The following ABCA9 variants were observed in gnomAD, a reference collection of about 807,000 sequenced individuals.
ABCA9 encodes the protein ATP binding cassette subfamily A member 9, also known as ATP-binding cassette sub-family A member 9.
In ABCA9, 183 loss-of-function variants were observed where a neutral mutation model predicts 205.3. That is an observed-to-expected ratio of 0.89 (90% CI 0.79 to 1.01). The LOEUF is 1.01. Ranked by LOEUF, ABCA9 falls within the 50% of genes least tolerant of loss-of-function variation. The probability of loss-of-function intolerance (pLI) is 0.00; values close to 1 mark genes in which losing one functional copy is unlikely to be tolerated. For synonymous variants in ABCA9, 651 were observed against 683.3 expected, an observed-to-expected ratio of 0.95 and a Z score of 0.74; for missense variants, 1,805 against 1,912.4, an observed-to-expected ratio of 0.94 and a Z score of 1.05.
chr17:69,006,383 C>G (rs1287197878), intron 25 of ABCA9, among the ~76,000 whole-genome samples: 1 of 152,140 alleles, frequency 6.6e-6, no homozygotes, highest in African/African-American at 2.4e-5. Flanking sequence ...AACAAGAAGC[C>G]ACTTGAATGT....
At chr17:68,995,508 C>T (rs2069588869) in intron 26 of ABCA9, among the ~76,000 whole-genome samples, 1 of 152,138 alleles carries the variant, frequency 6.6e-6, no homozygotes, top group Admixed American at 6.5e-5. Context: ...AGCTTTAACC[C>T]CCATCTCCAC....
At chr17:68,984,765 C>T (rs543749288) in intron 34 of ABCA9, 120 bp downstream of exon 34, 99 of 1,304,800 alleles carry the variant, frequency 7.6e-5, no homozygotes, top group Admixed American at 1.8e-4. Context: ...AATTTTTTTT[C>T]CTAAAATATT....
At chr17:69,058,780 A>C (rs2072145699) in intron 1 of ABCA9, among the ~76,000 whole-genome samples, 1 of 151,714 alleles carries the variant, frequency 6.6e-6, no homozygotes, top group African/African-American at 2.4e-5. Context: ...CAGAGGTTGC[A>C]GTGAGCCGAG....
chr17:68,999,170 C>T (rs2069742837), intron 25 of ABCA9, among the ~76,000 whole-genome samples: 1 of 150,076 alleles, frequency 6.7e-6, no homozygotes, highest in Admixed American at 6.6e-5. Context: ...TACATGTGCA[C>T]ATTGTGCAGG....
chr17:69,034,221 G>C (rs1474653097), intron 8 of ABCA9, among the ~76,000 whole-genome samples: 1 of 152,010 alleles, frequency 6.6e-6, no homozygotes, highest in Non-Finnish European at 1.5e-5. Context: ...TAAATTTTTT[G>C]TTTATTTGTT....
intron 14 of ABCA9, 86 bp downstream of exon 14, chr17:69,027,244 C>G (rs16973521): frequency 0.022 from 34,294 of 1,561,510 alleles, 905 homozygotes; most frequent in African/African-American, 0.13. Flanking sequence ...AGTTCTCTTA[C>G]ATTTATCATT....
chr17:69,028,795 T>C, intron 11 of ABCA9, 150 bp from the exon 12 acceptor site: 1 of 477,746 alleles, frequency 2.1e-6, no homozygotes, highest in South Asian at 5.5e-5. Context: ...TAAAACTGTA[T>C]TTCAACATTT....
At chr17:69,001,126 A>G (rs1349081383) in intron 25 of ABCA9, among the ~76,000 whole-genome samples, 5 of 151,444 alleles carry the variant, frequency 3.3e-5, no homozygotes, top group Non-Finnish European at 5.9e-5. Context: ...TCTCCTGCCT[A>G]ATTGCCCTGG....
intron 37 of ABCA9, among the ~76,000 whole-genome samples, chr17:68,976,827 A>T (rs2068903368): frequency 6.6e-6 from 1 of 152,180 alleles, no homozygotes; most frequent in Non-Finnish European, 1.5e-5. Context: ...ACGTTCCTTG[A>T]ATTATCCTAT....
chr17:69,063,356 G>T (rs1439394241), upstream of ABCA9, among the ~76,000 whole-genome samples: 1 of 152,146 alleles, frequency 6.6e-6, no homozygotes, highest in Non-Finnish European at 1.5e-5. Context: ...TATTTGTAAG[G>T]AGGACTTGTC....
At chr17:68,986,039 G>T in intron 32 of ABCA9, 125 bp downstream of exon 32, 1 of 927,742 alleles carries the variant, frequency 1.1e-6, no homozygotes, top group Non-Finnish European at 1.6e-6. Context: ...CAGAGTTCTA[G>T]ATGACCAAAT....
At chr17:69,018,120 G>T in intron 20 of ABCA9, 1 of 366,748 alleles carries the variant, frequency 2.7e-6, no homozygotes, top group Non-Finnish European at 4.8e-6. Context: ...GCACAGCACA[G>T]ATTTACAAAA....
At chr17:69,027,217 T>G (rs2071021467) in intron 14 of ABCA9, 103 bp from the exon 15 acceptor site, 1 of 1,563,970 alleles carries the variant, frequency 6.4e-7, no homozygotes, top group Non-Finnish European at 8.7e-7. Context: ...TGTTAGTACT[T>G]AATATTTCAT....
At chr17:69,003,854 T>C (rs2069989114) in intron 25 of ABCA9, among the ~76,000 whole-genome samples, 1 of 152,172 alleles carries the variant, frequency 6.6e-6, no homozygotes, top group Non-Finnish European at 1.5e-5. Context: ...CCTTCTCGCT[T>C]CATTTCATTC....
chr17:68,989,001 AC>A, intron 31 of ABCA9, 25 bp downstream of exon 31: 1 of 1,428,880 alleles, frequency 7.0e-7, no homozygotes, highest in South Asian at 1.2e-5. Context: ...AGCACTAATG[AC>A]CATATTCCTG....
chr17:68,996,289 G>A (rs913965750), intron 25 of ABCA9, among the ~76,000 whole-genome samples: 3 of 152,134 alleles, frequency 2.0e-5, no homozygotes, highest in Non-Finnish European at 4.4e-5. Flanking sequence ...TTCTGATAAA[G>A]TGATTATTTA....
chr17:69,021,759 G>A lies in ABCA9; in HGVS notation c.2384C>T (p.Ser795Leu). 6.4e-7 allele frequency: 1 copy of A among 1,573,032 alleles called. No individual in the cohort carries two copies. The change falls in exon 18 of 39, where the codon TCA (serine) becomes TTA (leucine). Residue 795 changes from serine (S) to leucine (L), a missense_variant. By Grantham distance (145) the Ser-to-Leu change is moderately radical (BLOSUM62 -2). Transcript: ENST00000340001. ...NEVFLKLEGK[S>L]TIDESDIGIW... ...TTTCTTACCTGATTCATCAATAGTT[G>A]ATTTTCCTTCTAATTTCAGAAACAC... is the stretch of plus-strand genomic sequence containing the variant.
upstream of ABCA9, among the ~76,000 whole-genome samples, chr17:69,063,763 A>G (rs2072312187): frequency 2.0e-5 from 3 of 152,226 alleles, no homozygotes; most frequent in South Asian, 6.2e-4. Context: ...TAGTAGAGAC[A>G]GGGTTTCACC....
At chr17:69,007,712 G>T in intron 25 of ABCA9, 47 bp downstream of exon 25, 1 of 1,210,248 alleles carries the variant, frequency 8.3e-7, no homozygotes, top group Non-Finnish European at 1.2e-6. Context: ...ACATGTTCTT[G>T]GATTTATGAA....
Sources: gnomAD v4.1 joint callset for allele counts (sites outside exome capture counted in the v4.1 genomes callset) on GRCh38, gnomAD v4.1.1 for gene constraint, MANE v1.5 for transcripts, NCBI Gene and HGNC (gene_info 2026-07-23, HGNC 2026-07-21) for gene names.